The following PUDP variants were observed in gnomAD, a reference collection of about 807,000 sequenced individuals.
PUDP encodes pseudouridine-5'-phosphatase.
Under a neutral mutation model 9.4 loss-of-function variants are expected in PUDP, and 8 were observed. The observed-to-expected ratio is 0.85, with a 90% CI of 0.50 to 1.53. PUDP has a LOEUF of 1.53. PUDP is among the 40% of genes most tolerant of loss of function. The pLI, the probability that PUDP is intolerant of heterozygous loss-of-function variation, is 0.00. For missense variants in PUDP, 188 were observed against 189.7 expected, an observed-to-expected ratio of 0.99 and a Z score of 0.05; for synonymous variants, 99 against 80.7, an observed-to-expected ratio of 1.23 and a Z score of -1.22.
At chrX:7,039,657 T>C (rs1929896241) in intron 1 of PUDP, among the ~76,000 whole-genome samples, 1 of 112,294 alleles carries the variant, frequency 8.9e-6, no homozygotes, top group African/African-American at 3.2e-5. Context: ...CTCAGACCTC[T>C]AGCTTCTAGA....
At chrX:6,890,935 C>CAAAAAAA (rs764486249) in intron 3 of PUDP, among the ~76,000 whole-genome samples, 6 of 33,135 alleles carry the variant, frequency 1.8e-4, no homozygotes, top group African/African-American at 4.4e-4. Flanking sequence ...CTCATCTCTC[C>CAAAAAAA]AAAAAAAAAA....
At chrX:6,859,274 C>T (rs1441541299) in intron 3 of PUDP, among the ~76,000 whole-genome samples, 1 of 111,763 alleles carries the variant, frequency 8.9e-6, no homozygotes, top group Non-Finnish European at 1.9e-5. Flanking sequence ...CCCAGTTACA[C>T]ATACTCCCAT....
chrX:6,872,146 G>A (rs1474908981), intron 3 of PUDP, among the ~76,000 whole-genome samples: 1 of 110,819 alleles, frequency 9.0e-6, no homozygotes, highest in Non-Finnish European at 1.9e-5. Context: ...ATCACCTTGG[G>A]GGTTAGGTTT....
chrX:7,093,854 C>T (rs959622689), intron 2 of PUDP, among the ~76,000 whole-genome samples: 4 of 111,887 alleles, frequency 3.6e-5, no homozygotes, highest in Non-Finnish European at 5.6e-5. Context: ...TCCTGTAATC[C>T]TAGCACTTTG....
intron 1 of PUDP, among the ~76,000 whole-genome samples, chrX:7,030,928 T>C (rs779858088): frequency 9.0e-6 from 1 of 111,391 alleles, no homozygotes; most frequent in Non-Finnish European, 1.9e-5. Flanking sequence ...GACAGAGCAG[T>C]CCCAAGGGCT....
intron 3 of PUDP, among the ~76,000 whole-genome samples, chrX:6,842,046 T>G (rs1926680902): frequency 9.0e-6 from 1 of 111,724 alleles, no homozygotes; most frequent in Admixed American, 9.6e-5. Flanking sequence ...TTTGCAAGCT[T>G]CTTCAATGAA....
intron 1 of PUDP, chrX:7,116,851 T>G: frequency 2.1e-5 from 23 of 1,071,631 alleles, no homozygotes; most frequent in East Asian, 3.4e-5. Context: ...TGGTGATCAG[T>G]GAGCTCTTGC....
At chrX:6,826,885 TC>T (rs1926430967) in intron 3 of PUDP, among the ~76,000 whole-genome samples, 1 of 111,580 alleles carries the variant, frequency 9.0e-6, no homozygotes, top group South Asian at 3.7e-4. Flanking sequence ...TAGGGTGAAG[TC>T]CCCTTAACTG....
At chrX:7,058,689 GT>G (rs1158403694) in intron 3 of PUDP, among the ~76,000 whole-genome samples, 3 of 112,446 alleles carry the variant, frequency 2.7e-5, no homozygotes, top group Non-Finnish European at 5.6e-5. Context: ...ACTATTAGAT[GT>G]TTGTTTAAAC....
At chrX:6,982,442 G>A (rs1929049442) in intron 1 of PUDP, among the ~76,000 whole-genome samples, 1 of 109,800 alleles carries the variant, frequency 9.1e-6, no homozygotes, top group African/African-American at 3.3e-5. Flanking sequence ...CATCATAGGG[G>A]TGTGGTAAGT....
intron 3 of PUDP, among the ~76,000 whole-genome samples, chrX:6,973,756 T>A (rs1444788257): frequency 1.8e-5 from 2 of 111,558 alleles, no homozygotes; most frequent in Non-Finnish European, 3.8e-5. Context: ...GTCCTGAATA[T>A]CCTTGTTTAT....
intron 3 of PUDP, among the ~76,000 whole-genome samples, chrX:7,054,005 T>C (rs1430033522): frequency 2.7e-5 from 3 of 112,226 alleles, no homozygotes; most frequent in Non-Finnish European, 5.6e-5. Flanking sequence ...ACATCTGGAA[T>C]ACTACACACA....
At chrX:6,844,501 C>T (rs1340902423) in intron 3 of PUDP, among the ~76,000 whole-genome samples, 2 of 112,334 alleles carry the variant, frequency 1.8e-5, no homozygotes, top group African/African-American at 3.2e-5. Flanking sequence ...CCAATAAGAA[C>T]ATAGAAGACA....
At chrX:7,107,414 G>T (rs1412546636) in intron 1 of PUDP, among the ~76,000 whole-genome samples, 1 of 112,704 alleles carries the variant, frequency 8.9e-6, no homozygotes, top group Non-Finnish European at 1.9e-5. Context: ...TATCCAAGAG[G>T]CATGTAAGTC....
At chrX:6,760,467 G>T (rs114350372) in intron 3 of PUDP, among the ~76,000 whole-genome samples, 2,131 of 111,982 alleles carry the variant, frequency 0.019, 52 homozygotes, top group African/African-American at 0.065. Flanking sequence ...ATTCCTCAGG[G>T]TGGGGTTCAT....
chrX:6,757,984 TC>T (rs1481089148), intron 3 of PUDP, among the ~76,000 whole-genome samples: 1 of 112,277 alleles, frequency 8.9e-6, no homozygotes, highest in East Asian at 2.8e-4. Context: ...CAAATGGATA[TC>T]GTTTCGATGT....
chrX:6,836,584 T>A (rs1926585971), intron 3 of PUDP, among the ~76,000 whole-genome samples: 3 of 112,401 alleles, frequency 2.7e-5, no homozygotes, highest in African/African-American at 9.7e-5. Context: ...AAGTCAGCAA[T>A]ATTGTATCTT....
intron 3 of PUDP, among the ~76,000 whole-genome samples, chrX:7,058,798 CATCT>C (rs1930318844): frequency 1.8e-5 from 2 of 111,507 alleles, no homozygotes; most frequent in Admixed American, 1.9e-4. Flanking sequence ...TCAATCCATC[CATCT>C]GTCCATCCAT....
chrX:7,048,946 C>G lies in PUDP; in HGVS notation c.*1350G>C, dbSNP rs1193346419. 8.9e-6 allele frequency: 1 copy of G among 112,007 alleles called. No individual in the cohort carries two copies. The highest frequency in any genetic ancestry group is 2.8e-4 in the East Asian group (1 of 3,602). 9.2% of individuals were successfully genotyped at this position (112,007 alleles called of 1,213,427 possible). A position where few individuals can be genotyped will look rare whatever the true frequency, so the allele number is the denominator to read the frequency against. ...ACATGTGTCAAAAGATTTTATTAAACTAATTCAATTTGTTAGGGAAATGGT... is the reference window on the plus strand; with the variant it reads ...ACATGTGTCAAAAGATTTTATTAAAGTAATTCAATTTGTTAGGGAAATGGT... On this transcript the variant is annotated 3_prime_UTR_variant, in exon 4 of 4. Transcript: ENST00000381077.
Sources: gnomAD v4.1 joint callset for allele counts (sites outside exome capture counted in the v4.1 genomes callset) on GRCh38, gnomAD v4.1.1 for gene constraint, MANE v1.5 for transcripts, NCBI Gene and HGNC (gene_info 2026-07-23, HGNC 2026-07-21) for gene names.